Variants in FRMD3 observed in about 807,000 individuals in gnomAD.
The protein encoded by FRMD3 is FERM domain-containing protein 3.
In FRMD3, 33 loss-of-function variants were observed where a neutral mutation model predicts 70.2. That is an observed-to-expected ratio of 0.47 (90% CI 0.36 to 0.63). The LOEUF is 0.63. Ranked by LOEUF, FRMD3 falls within the 20% of genes least tolerant of loss-of-function variation. The probability of loss-of-function intolerance (pLI) is 0.00; values close to 1 mark genes in which losing one functional copy is unlikely to be tolerated. For missense variants in FRMD3, 632 were observed against 711.4 expected (o/e 0.89, Z 1.27); for synonymous variants, 279 against 255.9 (o/e 1.09, Z -0.86).
chr9:83,457,416 A>T (rs1827849598), intron 1 of FRMD3, among the ~76,000 whole-genome samples: 1 of 152,158 alleles, frequency 6.6e-6, no homozygotes. Context: ...ACACACCCTC[A>T]TTGACCCCAT....
intron 1 of FRMD3, among the ~76,000 whole-genome samples, chr9:83,412,792 C>T (rs181996136): frequency 5.3e-5 from 8 of 152,086 alleles, no homozygotes; most frequent in African/African-American, 1.9e-4. Flanking sequence ...GTCAGGAGTT[C>T]GAGACCAGTC....
At chr9:83,372,434 T>A (rs554348044) in intron 3 of FRMD3, among the ~76,000 whole-genome samples, 3 of 150,498 alleles carry the variant, frequency 2.0e-5, no homozygotes, top group Non-Finnish European at 1.5e-5. Flanking sequence ...GAAGAAAAAA[T>A]TGTTTTTCAT....
At chr9:83,460,059 G>C (rs555057161) in intron 1 of FRMD3, among the ~76,000 whole-genome samples, 2 of 152,186 alleles carry the variant, frequency 1.3e-5, no homozygotes, top group Non-Finnish European at 2.9e-5. Flanking sequence ...TTCCTTAGAG[G>C]CTCCACATTG....
intron 5 of FRMD3, among the ~76,000 whole-genome samples, chr9:83,342,958 G>A (rs1043395194): frequency 6.6e-6 from 1 of 152,130 alleles, no homozygotes; most frequent in African/African-American, 2.4e-5. Flanking sequence ...GGGATCTTGA[G>A]CAACTCTGTT....
chr9:83,514,111 G>A (rs897684790), intron 1 of FRMD3, among the ~76,000 whole-genome samples: 6 of 152,080 alleles, frequency 3.9e-5, no homozygotes, highest in Non-Finnish European at 7.4e-5. Context: ...CAACAAGACA[G>A]AACTATTCAC....
chr9:83,569,729 T>G, the FRMD3 span, among the ~76,000 whole-genome samples: 1 of 152,196 alleles, frequency 6.6e-6, no homozygotes, highest in African/African-American at 2.4e-5. Context: ...TTGATACGTG[T>G]TTTCAAAACG....
chr9:83,463,485 A>G (rs1828034042), intron 1 of FRMD3, among the ~76,000 whole-genome samples: 1 of 152,182 alleles, frequency 6.6e-6, no homozygotes, highest in South Asian at 2.1e-4. Context: ...AGCCCCTCAC[A>G]AAGCCATCAG....
At chr9:83,320,024 C>T in intron 6 of FRMD3, among the ~76,000 whole-genome samples, 1 of 152,184 alleles carries the variant, frequency 6.6e-6, no homozygotes, top group Admixed American at 6.5e-5. Context: ...CAAAACTTTA[C>T]TGAATTCATT....
chr9:83,525,864 T>A (rs1459209576), intron 1 of FRMD3, among the ~76,000 whole-genome samples: 2 of 152,048 alleles, frequency 1.3e-5, no homozygotes, highest in Non-Finnish European at 2.9e-5. Context: ...AGCTCACAAT[T>A]CAGTGATCTA....
At chr9:83,314,615 T>C (rs570079286) in intron 6 of FRMD3, among the ~76,000 whole-genome samples, 1 of 151,578 alleles carries the variant, frequency 6.6e-6, no homozygotes, top group East Asian at 2.0e-4. Context: ...TACCTCTAAA[T>C]CAAAACAGTA....
intron 3 of FRMD3, among the ~76,000 whole-genome samples, chr9:83,372,427 GA>G (rs1340266313): frequency 6.7e-6 from 1 of 150,238 alleles, no homozygotes; most frequent in Non-Finnish European, 1.5e-5. Flanking sequence ...TTGCCTAGAA[GA>G]AAAAATTGTT....
chr9:83,571,855 G>A, the FRMD3 span, among the ~76,000 whole-genome samples: 7 of 152,204 alleles, frequency 4.6e-5, no homozygotes, highest in Admixed American at 4.6e-4. Context: ...CAAAGAGAAT[G>A]AGAGAAGAGA....
At chr9:83,525,639 T>C (rs1001735740) in intron 1 of FRMD3, among the ~76,000 whole-genome samples, 7 of 152,212 alleles carry the variant, frequency 4.6e-5, no homozygotes, top group African/African-American at 1.7e-4. Context: ...AAGAAAATCG[T>C]ATGCTTTGAC....
intron 6 of FRMD3, among the ~76,000 whole-genome samples, chr9:83,316,914 T>C (rs372248831): frequency 6.6e-6 from 1 of 152,148 alleles, no homozygotes; most frequent in South Asian, 2.1e-4. Flanking sequence ...CAGAAAATTA[T>C]TGAAGTCAGG....
intron 1 of FRMD3, among the ~76,000 whole-genome samples, chr9:83,480,783 C>T (rs918005261): frequency 2.6e-5 from 4 of 152,078 alleles, no homozygotes; most frequent in African/African-American, 9.7e-5. Flanking sequence ...GCATGAGCCA[C>T]GAGATGATTT....
chr9:83,264,307 G>T (rs1833126669), intron 13 of FRMD3, among the ~76,000 whole-genome samples: 1 of 152,172 alleles, frequency 6.6e-6, no homozygotes, highest in Admixed American at 6.5e-5. Flanking sequence ...AGGAATTAGG[G>T]GAAGAGAGAG....
At chr9:83,366,891 G>A (rs1824805362) in intron 3 of FRMD3, among the ~76,000 whole-genome samples, 1 of 151,994 alleles carries the variant, frequency 6.6e-6, no homozygotes, top group Non-Finnish European at 1.5e-5. Context: ...GTGATAGCAG[G>A]GTGTGGTAGC....
chr9:83,337,107 G>A (rs1012540882), intron 5 of FRMD3, among the ~76,000 whole-genome samples: 4 of 152,144 alleles, frequency 2.6e-5, no homozygotes, highest in Non-Finnish European at 5.9e-5. Context: ...AGCCTACTAT[G>A]CATGCCTGTG....
At chr9:83,530,994 G>A (rs1433601238) in intron 1 of FRMD3, among the ~76,000 whole-genome samples, 3 of 152,136 alleles carry the variant, frequency 2.0e-5, no homozygotes, top group Admixed American at 1.3e-4. Context: ...CTGCTTCAGG[G>A]GTAAGCATGT....
Sources: allele counts gnomAD v4.1 joint callset (sites outside exome capture counted in the v4.1 genomes callset), GRCh38; gene constraint gnomAD v4.1.1; transcripts MANE v1.5; gene names NCBI Gene and HGNC (gene_info 2026-07-23, HGNC 2026-07-21).